C3orf62: variants seen among roughly 807,000 people sequenced by gnomAD.
C3orf62 encodes the protein uncharacterized protein C3orf62.
In C3orf62, 16 loss-of-function variants were observed where a neutral mutation model predicts 21.7. The ratio of observed to expected loss-of-function variants is 0.74; its 90% CI spans 0.50 to 1.12. C3orf62 has a LOEUF of 1.12. Among genes scored for constraint, C3orf62 ranks in the 50% most tolerant of loss-of-function variants. The pLI is 0.00. For missense variants in C3orf62, 310 were observed against 318.8 expected (o/e 0.97, Z 0.21); for synonymous variants, 114 against 117.0 (o/e 0.97, Z 0.17).
At position 49,271,095 on chromosome 3, in the gene C3orf62, G is replaced by C; in HGVS notation, c.*85C>G. The C allele has an allele frequency of 7.4e-7, 1 of 1,345,964 alleles. No homozygotes were observed. Among genetic ancestry groups the C allele is most frequent in the South Asian group, 1.4e-5 (1 of 70,182 alleles). 83.4% of individuals were successfully genotyped at this position (1,345,964 alleles called of 1,614,324 possible). A position where few individuals can be genotyped will look rare whatever the true frequency, so the allele number is the denominator to read the frequency against. On this transcript the variant is annotated 3_prime_UTR_variant, in exon 3 of 3. Coordinates refer to ENST00000343010, the MANE Select transcript of C3orf62 (RefSeq NM_198562.3). Reference sequence around the variant, plus strand: ...GTTCTGCCAACCTTTTGAGAAATGTGGCCCCTGACGGCCATTGTAGCTGCT... The same window carrying C: ...GTTCTGCCAACCTTTTGAGAAATGTCGCCCCTGACGGCCATTGTAGCTGCT...
rs777442016 is a variant in C3orf62, at chr3:49,274,100, G to T, written c.487C>A (p.Pro163Thr). 1 of 1,614,024 alleles carries T rather than the reference G, an allele frequency of 6.2e-7. No homozygotes were observed. The highest frequency in any genetic ancestry group is 1.7e-5 in the Admixed American group (1 of 60,018). ...ACCTCTTGGCTAGAATTGTTGAGTG[G>T]CATGTTTGAGTCAGCCTTCAAATCT... ...ERDLKADSNM[P>T]LNNSSQEVTK... Residue 163 changes from proline to threonine, a missense_variant, in exon 2 of 3, where the codon CCA becomes ACA. Physicochemically the swap from Pro to Thr is conservative, Grantham distance 38. Coordinates refer to ENST00000343010, the MANE Select transcript of C3orf62 (RefSeq NM_198562.3).
rs1041212792 is a variant in C3orf62, at chr3:49,271,218, A to C, written c.766T>G (p.Tyr256Asp). 4 of 1,613,924 alleles carry C rather than the reference A, an allele frequency of 2.5e-6. No individual in the cohort carries two copies. The highest frequency in any genetic ancestry group is 3.4e-6 in the Non-Finnish European group (4 of 1,179,980). ...VETVLDLEED[Y>D]NVMTSFKYQI... The stretch of plus-strand genomic sequence containing the variant: ...TATTTAAAAGACGTCATCACATTGT[A>C]GTCCTCTTCCAAGTCCAGAACAGTC... The change falls in exon 3 of 3, where the codon TAC becomes GAC. Residue 256 changes from tyrosine (Y) to aspartate (D), a missense_variant. Tyr to Asp is a radical substitution (Grantham distance 160, BLOSUM62 -3). Transcript: ENST00000343010.
chr3:49,273,487 C>G (rs967856347), intron 2 of C3orf62, among the ~76,000 whole-genome samples: 3 of 152,056 alleles, frequency 2.0e-5, no homozygotes, highest in African/African-American at 7.2e-5. Flanking sequence ...GTTGCCCAGG[C>G]TGCAGTACAG....
intron 2 of C3orf62, among the ~76,000 whole-genome samples, chr3:49,271,910 C>CAAAAAAAAA (rs10706165): frequency 5.6e-5 from 6 of 106,936 alleles, no homozygotes; most frequent in South Asian, 3.0e-4. Flanking sequence ...GGCCCTGTCT[C>CAAAAAAAAA]AAAAAAAAAA....
In C3orf62 at chr3:49,268,622, G is replaced by A. The variant is rs751653129; in HGVS notation, c.*2558C>T. The stretch of plus-strand genomic sequence containing the variant: ...ACATTAAACACTAGTTTTTATTCAA[G>A]TTTTATCAGTTTTTCCAATAATGTT... On this transcript the variant is annotated 3_prime_UTR_variant, in exon 3 of 3. Transcript: ENST00000343010. 3.3e-5 allele frequency: 5 copies of A among 152,144 alleles called. No homozygotes were observed. Among genetic ancestry groups the A allele is most frequent in the Non-Finnish European group, 5.9e-5 (4 of 68,026 alleles). 9.4% of individuals were successfully genotyped at this position (152,144 alleles called of 1,614,324 possible). A position where few individuals can be genotyped will look rare whatever the true frequency, so the allele number is the denominator to read the frequency against.
rs766278125 is a variant in C3orf62, at chr3:49,276,609, A to T, written c.264T>A (p.Asn88Lys). 1 of 1,614,198 alleles carries T rather than the reference A, an allele frequency of 6.2e-7. No individual in the cohort carries two copies. Among genetic ancestry groups the T allele is most frequent in the Admixed American group, 1.7e-5 (1 of 60,014 alleles). The change falls in exon 1 of 3, where the codon AAT becomes AAA. Residue 88 changes from asparagine (N) to lysine (K), a missense_variant. By Grantham distance (94) the Asn-to-Lys change is moderately conservative. Coordinates refer to ENST00000343010, the MANE Select transcript of C3orf62 (RefSeq NM_198562.3). ...GGTTTGTTGCAAAGGCAGGGTTCTC[A>T]TTCTCAGGAGCACATGGGACAGCAG... ...PFAAVPCAPENENPAFATNHA... is the reference protein window; with the variant it reads ...PFAAVPCAPEKENPAFATNHA...
rs554666530 is a variant in C3orf62 at position 49,274,764 on chromosome 3, G to C, written c.447-624C>G. 6.6e-5 allele frequency among the ~76,000 whole-genome samples: 10 copies of C among 151,886 alleles called. No individual in the cohort carries two copies. In the East Asian group the frequency reaches 1.7e-3, roughly 27 times the overall value. ...TGGTCTCGAACTCCTGACCTCAGGTGATCTGCCCGCCTCAGTCTTCCAAAG... is the reference window on the plus strand; with the variant it reads ...TGGTCTCGAACTCCTGACCTCAGGTCATCTGCCCGCCTCAGTCTTCCAAAG... On this transcript the variant is annotated intron_variant, in intron 1 of 2. Coordinates refer to ENST00000343010, the MANE Select transcript of C3orf62 (RefSeq NM_198562.3).
chr3:49,276,376 A>G lies in C3orf62; in HGVS notation c.446+51T>C, dbSNP rs779447208. On this transcript the variant is annotated intron_variant, in intron 1 of 2. Transcript: ENST00000343010. ...CTAGGATCTTCAACAACTTTTTCAG[A>G]AACAAGAATCCCCTTAATTGTAGCT... The G allele has an allele frequency of 8.4e-6, 13 of 1,543,226 alleles. No homozygotes were observed. In the Admixed American group the frequency reaches 2.3e-4, roughly 28 times the overall value.
chr3:49,276,305 TCA>T, intron 1 of C3orf62, 120 bp downstream of exon 1: 2 of 907,784 alleles, frequency 2.2e-6, no homozygotes, highest in Non-Finnish European at 3.3e-6. Context: ...CCAAATGCAG[TCA>T]CAGAGCTGCC....
chr3:49,276,672 T>C lies in C3orf62; in HGVS notation c.201A>G (p.Arg67=). 1.2e-6 allele frequency: 2 copies of C among 1,614,168 alleles called. No individual in the cohort carries two copies. Among genetic ancestry groups the C allele is most frequent in the East Asian group, 2.2e-5 (1 of 44,880 alleles). ...CAGAAGAGCAGGCTGCCAGAGGATG[T>C]CTTCTGCAGAGGAGCCTGTGCACGG... ...SLPVHRLLCR[R]HPLAACSSAA... is the part of the protein sequence containing the mutation. The change falls in exon 1 of 3, where the codon AGA becomes AGG. Residue 67 remains arginine (R), a synonymous_variant. Transcript: ENST00000343010.
chr3:49,274,004 G>T, intron 2 of C3orf62, 45 bp downstream of exon 2: 2 of 1,358,464 alleles, frequency 1.5e-6, no homozygotes, highest in Non-Finnish European at 2.1e-6. Flanking sequence ...CCATGTGAAG[G>T]ACCTATCTTC....
At position 49,276,524 on chromosome 3, in the gene C3orf62, T is replaced by G; in HGVS notation, c.349A>C (p.Lys117Gln). Residue 117 changes from lysine to glutamine, a missense_variant, in exon 1 of 3, where the codon AAG (lysine) becomes CAG (glutamine). Coordinates refer to ENST00000343010, the MANE Select transcript of C3orf62 (RefSeq NM_198562.3). ...GAGGAATGCATCAATACATTTTCCT[T>G]GCTGGTTAGAGGTTTTCTCTCGGGG... ...LCPERKPLTS[K>Q]ENVLMHSSIL... 1 of 1,614,234 alleles carries G rather than the reference T, an allele frequency of 6.2e-7. No homozygotes were observed. Among genetic ancestry groups the G allele is most frequent in the Non-Finnish European group, 8.5e-7 (1 of 1,180,044 alleles).
At chr3:49,275,722 G>T (rs2046953123) in intron 1 of C3orf62, among the ~76,000 whole-genome samples, 1 of 150,798 alleles carries the variant, frequency 6.6e-6, no homozygotes, top group South Asian at 2.1e-4. Flanking sequence ...AGTAGAGACA[G>T]AGTTTCACCG....
chr3:49,271,988 G>C (rs1407259143), intron 2 of C3orf62, among the ~76,000 whole-genome samples: 1 of 151,788 alleles, frequency 6.6e-6, no homozygotes, highest in Non-Finnish European at 1.5e-5. Flanking sequence ...GGTGGGTAGA[G>C]GCAGTAATGA....
At position 49,276,760 on chromosome 3, in the gene C3orf62, G is replaced by A. The variant is rs751824683; in HGVS notation, c.113C>T (p.Ser38Phe). 6.8e-6 allele frequency: 11 copies of A among 1,613,626 alleles called. No homozygotes were observed. The South Asian group carries it at 1.1e-4, about 16-fold the overall frequency. Residue 38 changes from serine (S) to phenylalanine (F), a missense_variant, in exon 1 of 3, where the codon TCC (serine) becomes TTC (phenylalanine). Ser to Phe is a radical substitution (Grantham distance 155, BLOSUM62 -2). Coordinates refer to ENST00000343010, the MANE Select transcript of C3orf62 (RefSeq NM_198562.3). ...IDRAFEGVSYSQECTGQQRLE... is the reference protein window; with the variant it reads ...IDRAFEGVSYFQECTGQQRLE... ...CCTCTGCTGGCCTGTGCACTCCTGG[G>A]AATAACTAACTCCTTCAAAGGCCCG...
In C3orf62 at chr3:49,271,240, A is replaced by G. The variant is rs1259098025; in HGVS notation, c.744T>C (p.Thr248=). 1.2e-6 allele frequency: 2 copies of G among 1,614,146 alleles called. No individual in the cohort carries two copies. The highest frequency in any genetic ancestry group is 2.2e-5 in the South Asian group (2 of 91,088). ...QAFDDHNIVE[T]VLDLEEDYNV... ...TGTAGTCCTCTTCCAAGTCCAGAACAGTCTCAACAATATTATGATCATCAA... is the reference window on the plus strand; with the variant it reads ...TGTAGTCCTCTTCCAAGTCCAGAACGGTCTCAACAATATTATGATCATCAA... Residue 248 remains threonine, a synonymous_variant, in exon 3 of 3, where the codon ACT becomes ACC. Transcript: ENST00000343010.
intron 2 of C3orf62, 85 bp from the exon 3 acceptor site, chr3:49,271,530 G>T: frequency 6.9e-7 from 1 of 1,454,868 alleles, no homozygotes. Flanking sequence ...CCATGAATGG[G>T]TTGTCATTTA....
chr3:49,271,553 T>A, intron 2 of C3orf62, 108 bp from the exon 3 acceptor site: 2 of 1,362,196 alleles, frequency 1.5e-6, no homozygotes, highest in Non-Finnish European at 2.0e-6. Context: ...AGGGATTGTG[T>A]AAAAGCAGGC....
In C3orf62 at chr3:49,276,233, GAACAT is replaced by G. The variant is rs201911217; in HGVS notation, c.446+189_446+193del. 8.0e-3 allele frequency among the ~76,000 whole-genome samples: 1,216 copies of G among 152,168 alleles called. 12 individuals carry two copies. The highest frequency in any genetic ancestry group is 0.028 in the African/African-American group (1,177 of 41,494). On this transcript the variant is annotated intron_variant, in intron 1 of 2. Coordinates refer to ENST00000343010, the MANE Select transcript of C3orf62 (RefSeq NM_198562.3). ...CGATTGACAACTAGCCCCTCAACTG[GAACAT>G]ATACACAAAATATAACTGTTTCCTA...
Sources: gnomAD v4.1 joint callset for allele counts (sites outside exome capture counted in the v4.1 genomes callset) on GRCh38, gnomAD v4.1.1 for gene constraint, MANE v1.5 for transcripts, NCBI Gene and HGNC (gene_info 2026-07-23, HGNC 2026-07-21) for gene names.